CDA: variants seen among roughly 807,000 people sequenced by gnomAD.
CDA encodes the protein cytidine aminohydrolase.
In CDA, 7 loss-of-function variants were observed where a neutral mutation model predicts 15.0. That is an observed-to-expected ratio of 0.47 (90% CI 0.26 to 0.87). The LOEUF is 0.87. Ranked by LOEUF, CDA falls within the 40% of genes least tolerant of loss-of-function variation. CDA has a pLI of 0.15. For synonymous variants in CDA, 58 were observed against 73.0 expected, an observed-to-expected ratio of 0.79 and a Z score of 1.05; for missense variants, 159 against 182.7, an observed-to-expected ratio of 0.87 and a Z score of 0.75.
intron 1 of CDA, among the ~76,000 whole-genome samples, chr1:20,596,870 C>G (rs2052595833): frequency 6.6e-6 from 1 of 151,268 alleles, no homozygotes; most frequent in African/African-American, 2.4e-5. Context: ...AGGCGATCCT[C>G]CCACCTTAGC....
intron 1 of CDA, among the ~76,000 whole-genome samples, chr1:20,589,510 A>G (rs2052529216): frequency 1.3e-5 from 2 of 152,170 alleles, no homozygotes; most frequent in South Asian, 4.1e-4. Context: ...GGGATGAGGA[A>G]GGAAGTTGGA....
At chr1:20,596,664 A>G (rs1344985128) in intron 1 of CDA, among the ~76,000 whole-genome samples, 4 of 152,046 alleles carry the variant, frequency 2.6e-5, no homozygotes, top group Admixed American at 6.6e-5. Context: ...CCCTCAGAAA[A>G]GAGAGTGGGT....
At position 20,599,606 on chromosome 1, in the gene CDA, G is replaced by A. The variant is rs1359349550; in HGVS notation, c.155-5322G>A. Reference sequence around the variant, plus strand: ...CACTCCAGCCTGGGCGACAGAGCAAGACTCCGTCTCCAAAATAAAATAAAA... The same window carrying A: ...CACTCCAGCCTGGGCGACAGAGCAAAACTCCGTCTCCAAAATAAAATAAAA... On this transcript the variant is annotated intron_variant, in intron 1 of 3. Transcript: ENST00000375071. Among the ~76,000 whole-genome samples the A allele has an allele frequency of 2.5e-4, 7 of 28,464 alleles. No homozygotes were observed. In the East Asian group the frequency reaches 6.5e-3, roughly 26 times the overall value. 18.7% of individuals were successfully genotyped at this position (28,464 alleles called of 152,430 possible).
At chr1:20,605,428 G>A (rs1187865263) in intron 2 of CDA, among the ~76,000 whole-genome samples, 1 of 151,408 alleles carries the variant, frequency 6.6e-6, no homozygotes, top group Non-Finnish European at 1.5e-5. Context: ...GGGAGGCCAA[G>A]ATGGGCAGAT....
intron 2 of CDA, 104 bp downstream of exon 2, chr1:20,605,143 G>A (rs2052682604): frequency 1.3e-6 from 1 of 788,768 alleles, no homozygotes; most frequent in Non-Finnish European, 2.2e-6. Flanking sequence ...TATGTTTATT[G>A]TGGACTTCCT....
intron 1 of CDA, among the ~76,000 whole-genome samples, chr1:20,595,003 G>A (rs1262421220): frequency 1.3e-5 from 2 of 151,968 alleles, no homozygotes; most frequent in Admixed American, 6.6e-5. Context: ...TATGCATCTG[G>A]CGATGAGACC....
At chr1:20,591,354 C>A (rs556127111) in intron 1 of CDA, among the ~76,000 whole-genome samples, 4 of 150,496 alleles carry the variant, frequency 2.7e-5, no homozygotes, top group South Asian at 4.2e-4. Flanking sequence ...AACAAACAAA[C>A]AAAAAAAAAC....
At chr1:20,595,134 A>T (rs1359284468) in intron 1 of CDA, among the ~76,000 whole-genome samples, 1 of 151,992 alleles carries the variant, frequency 6.6e-6, no homozygotes, top group Non-Finnish European at 1.5e-5. Context: ...TCAGCTCATG[A>T]CCTTAGGACA....
At chr1:20,614,188 C>T (rs562797943) in intron 3 of CDA, among the ~76,000 whole-genome samples, 1 of 152,254 alleles carries the variant, frequency 6.6e-6, no homozygotes, top group South Asian at 2.1e-4. Context: ...CCTCACAGAG[C>T]TCATAGGCTA....
chr1:20,615,781 A>C (rs933210503), intron 3 of CDA, among the ~76,000 whole-genome samples: 1 of 152,112 alleles, frequency 6.6e-6, no homozygotes, highest in African/African-American at 2.4e-5. Flanking sequence ...CAGGAGGATC[A>C]CCTTAGCCCA....
intron 1 of CDA, among the ~76,000 whole-genome samples, chr1:20,599,005 A>G (rs1183205005): frequency 2.0e-5 from 3 of 152,240 alleles, no homozygotes; most frequent in Non-Finnish European, 4.4e-5. Flanking sequence ...GAAGAAAATT[A>G]AAGCAGGAGA....
chr1:20,593,445 C>G (rs1206796137), intron 1 of CDA, among the ~76,000 whole-genome samples: 1 of 152,180 alleles, frequency 6.6e-6, no homozygotes, highest in African/African-American at 2.4e-5. Flanking sequence ...GTAGCTGGAT[C>G]CAGGAACACA....
chr1:20,616,168 C>G (rs925747665), intron 3 of CDA, among the ~76,000 whole-genome samples: 1 of 152,146 alleles, frequency 6.6e-6, no homozygotes, highest in Non-Finnish European at 1.5e-5. Flanking sequence ...CATGGCCCAT[C>G]AGGCTGACTC....
intron 2 of CDA, among the ~76,000 whole-genome samples, chr1:20,613,499 C>T (rs1440017641): frequency 6.6e-6 from 1 of 152,184 alleles, no homozygotes; most frequent in Non-Finnish European, 1.5e-5. Context: ...GCTACCAAGC[C>T]CAGCTGCATT....
At chr1:20,610,796 C>G (rs1407068944) in intron 2 of CDA, among the ~76,000 whole-genome samples, 1 of 152,168 alleles carries the variant, frequency 6.6e-6, no homozygotes, top group African/African-American at 2.4e-5. Flanking sequence ...CTTCCATACA[C>G]CTTATCTCAT....
In CDA at chr1:20,618,607, A is replaced by G. The variant is rs1411080918; in HGVS notation, c.*39A>G. 1.2e-5 allele frequency: 15 copies of G among 1,219,442 alleles called. No individual in the cohort carries two copies. The highest frequency in any genetic ancestry group is 1.8e-5 in the Non-Finnish European group (15 of 819,520). The allele number at this position is 1,219,442 out of a possible 1,614,324, so 75.5% of individuals were successfully genotyped here. ...CCCACTGCCTGTAACAGCCACCTGG[A>G]GAACTTCATAAAGATGTCTCACAGC... On this transcript the variant is annotated 3_prime_UTR_variant, in exon 4 of 4. Transcript: ENST00000375071.
At chr1:20,613,946 G>A (rs769424772) in intron 3 of CDA, 47 bp downstream of exon 3, 17 of 1,569,038 alleles carry the variant, frequency 1.1e-5, no homozygotes, top group South Asian at 2.2e-5. Context: ...CTTCCCTGTC[G>A]CAGGCTATGG....
intron 2 of CDA, among the ~76,000 whole-genome samples, chr1:20,608,722 A>G (rs2052718817): frequency 6.6e-6 from 1 of 152,126 alleles, no homozygotes; most frequent in African/African-American, 2.4e-5. Flanking sequence ...AAACTATTAT[A>G]TTGTTTTAAA....
chr1:20,617,706 T>TG (rs1557552926), intron 3 of CDA, among the ~76,000 whole-genome samples: 1 of 151,664 alleles, frequency 6.6e-6, no homozygotes, highest in African/African-American at 2.4e-5. Context: ...TATTTTTTTT[T>TG]TTTTTTGAGA....
Sources: allele counts gnomAD v4.1 joint callset (sites outside exome capture counted in the v4.1 genomes callset), GRCh38; gene constraint gnomAD v4.1.1; transcripts MANE v1.5; gene names NCBI Gene and HGNC (gene_info 2026-07-23, HGNC 2026-07-21).